EPHA3: variants seen among roughly 807,000 people sequenced by gnomAD.
EPHA3 encodes the protein EPH receptor A3.
A neutral mutation model predicts 107.1 loss-of-function variants in EPHA3; 42 were observed. The observed-to-expected ratio is 0.39, with a 90% CI of 0.31 to 0.51. The LOEUF is 0.51. EPHA3 is among the 20% of genes least tolerant of loss of function. The pLI is 0.78. For synonymous variants in EPHA3, 461 were observed against 424.8 expected, an observed-to-expected ratio of 1.09 and a Z score of -1.05; for missense variants, 1,183 against 1,211.2, an observed-to-expected ratio of 0.98 and a Z score of 0.35.
At chr3:89,441,247 C>G (rs1371438160) in intron 13 of EPHA3, among the ~76,000 whole-genome samples, 1 of 152,174 alleles carries the variant, frequency 6.6e-6, no homozygotes, top group African/African-American at 2.4e-5. Flanking sequence ...GAAGTCAGCA[C>G]TTGGAGGAAC....
At chr3:89,391,000 G>A (rs1196169733) in intron 5 of EPHA3, among the ~76,000 whole-genome samples, 1 of 151,864 alleles carries the variant, frequency 6.6e-6, no homozygotes, top group East Asian at 2.0e-4. Flanking sequence ...TGGCCAGGCT[G>A]GTCTCGAACT....
At chr3:89,236,392 T>A (rs545959682) in intron 3 of EPHA3, among the ~76,000 whole-genome samples, 1 of 151,470 alleles carries the variant, frequency 6.6e-6, no homozygotes, top group South Asian at 2.1e-4. Context: ...ACAATCAAGA[T>A]TAATAACAAA....
At chr3:89,438,333 G>A (rs974775564) in intron 13 of EPHA3, among the ~76,000 whole-genome samples, 4 of 151,810 alleles carry the variant, frequency 2.6e-5, no homozygotes, top group Non-Finnish European at 5.9e-5. Flanking sequence ...GGATGGTCTC[G>A]ATCTCCTGAC....
chr3:89,402,304 A>C (rs1270475792), intron 7 of EPHA3, among the ~76,000 whole-genome samples: 1 of 152,150 alleles, frequency 6.6e-6, no homozygotes, highest in Non-Finnish European at 1.5e-5. Flanking sequence ...CAATGCTTCC[A>C]TTGATTGAGA....
chr3:89,429,306 A>G (rs1576373302), intron 12 of EPHA3, 139 bp downstream of exon 12: 1 of 539,836 alleles, frequency 1.9e-6, no homozygotes, highest in East Asian at 3.0e-5. Context: ...ATAGACAGAG[A>G]AGGGCTGTAA....
At position 89,479,744 on chromosome 3, in the gene EPHA3, A is replaced by C; in HGVS notation, c.*242A>C. ...TTTTTTAAATATTAGTTAATGGATT[A>C]AATTTAATTCTTCAGCGTAAAATGG... is the stretch of plus-strand genomic sequence containing the variant. On this transcript the variant is annotated 3_prime_UTR_variant, in exon 17 of 17. Transcript: ENST00000336596. The C allele has an allele frequency of 2.3e-6, 1 of 433,214 alleles. No individual in the cohort carries two copies. Among genetic ancestry groups the C allele is most frequent in the Non-Finnish European group, 4.1e-6 (1 of 241,308 alleles). The allele number at this position is 433,214 out of a possible 1,614,324, so 26.8% of individuals were successfully genotyped here. A position where few individuals can be genotyped will look rare whatever the true frequency, so the allele number is the denominator to read the frequency against.
chr3:89,126,655 C>CT (rs929460311), intron 1 of EPHA3, among the ~76,000 whole-genome samples: 1 of 151,262 alleles, frequency 6.6e-6, no homozygotes, highest in African/African-American at 2.4e-5. Context: ...GGTAGTTAAG[C>CT]TTTTTGTGTG....
intron 1 of EPHA3, among the ~76,000 whole-genome samples, chr3:89,115,048 G>A (rs998313241): frequency 7.9e-5 from 12 of 152,134 alleles, no homozygotes; most frequent in African/African-American, 2.9e-4. Context: ...GTGACAGCCA[G>A]GGGAAGGAGA....
chr3:89,123,672 C>T (rs1411611713), intron 1 of EPHA3, among the ~76,000 whole-genome samples: 2 of 152,080 alleles, frequency 1.3e-5, no homozygotes, highest in Non-Finnish European at 2.9e-5. Flanking sequence ...AACCTAGAAC[C>T]ATATCCATCT....
chr3:89,176,326 C>T lies in EPHA3; in HGVS notation c.154-33534C>T, dbSNP rs137882086. 6.3e-3 allele frequency among the ~76,000 whole-genome samples: 949 copies of T among 151,546 alleles called. 11 individuals are homozygous for T. Among genetic ancestry groups the T allele is most frequent in the African/African-American group, 0.022 (918 of 41,344 alleles). ...TAGTGAAACCCCGTCTTTACTAAAA[C>T]GTGCAAAAATTAGCTGGGTGCGGTG... On this transcript the variant is annotated intron_variant, in intron 2 of 16. Coordinates refer to ENST00000336596, the MANE Select transcript of EPHA3 (RefSeq NM_005233.6).
At chr3:89,477,244 G>A (rs1297584152) in intron 16 of EPHA3, among the ~76,000 whole-genome samples, 1 of 152,130 alleles carries the variant, frequency 6.6e-6, no homozygotes, top group Non-Finnish European at 1.5e-5. Flanking sequence ...AGCGTGGCAA[G>A]CCTCACATTC....
chr3:89,431,469 CCACAA>C, intron 13 of EPHA3, 110 bp downstream of exon 13: 1 of 787,052 alleles, frequency 1.3e-6, no homozygotes, highest in Non-Finnish European at 2.0e-6. Context: ...ATTATGCTTT[CCACAA>C]TAGAAAACAT....
chr3:89,405,311 C>T (rs1287381500), intron 7 of EPHA3, among the ~76,000 whole-genome samples: 1 of 152,096 alleles, frequency 6.6e-6, no homozygotes. Flanking sequence ...AACCCTTTGC[C>T]AGTACTGTTA....
At chr3:89,308,817 A>G (rs1281999781) in intron 3 of EPHA3, among the ~76,000 whole-genome samples, 1 of 152,098 alleles carries the variant, frequency 6.6e-6, no homozygotes, top group African/African-American at 2.4e-5. Flanking sequence ...TTTTGTAGAT[A>G]ACATTGAATT....
chr3:89,206,868 G>A (rs1487302464), intron 2 of EPHA3, among the ~76,000 whole-genome samples: 4 of 151,856 alleles, frequency 2.6e-5, no homozygotes, highest in Non-Finnish European at 5.9e-5. Flanking sequence ...TTAAACTGAG[G>A]TTAGAATGTA....
At chr3:89,186,494 G>A (rs975323871) in intron 2 of EPHA3, among the ~76,000 whole-genome samples, 1 of 151,942 alleles carries the variant, frequency 6.6e-6, no homozygotes, top group Non-Finnish European at 1.5e-5. Context: ...CCACTGTCAC[G>A]AATTTCACTC....
At chr3:89,423,748 T>G (rs1347440977) in intron 11 of EPHA3, among the ~76,000 whole-genome samples, 1 of 151,524 alleles carries the variant, frequency 6.6e-6, no homozygotes, top group Non-Finnish European at 1.5e-5. Context: ...CACTGTCCAC[T>G]TATGTCCCTT....
At position 89,369,977 on chromosome 3, in the gene EPHA3, G is replaced by A. The variant is rs1466902263; in HGVS notation, c.1307-25860G>A. Among the ~76,000 whole-genome samples the A allele has an allele frequency of 9.3e-5, 14 of 150,614 alleles. 1 individual carries two copies. On this transcript the variant is annotated intron_variant, in intron 5 of 16. Transcript: ENST00000336596. ...ATCAGATACCATCTCACACCAATTA[G>A]AATGGCAATCATTAAAAAGTCAGGA...
intron 3 of EPHA3, among the ~76,000 whole-genome samples, chr3:89,217,342 C>G (rs1222299590): frequency 6.6e-6 from 1 of 151,990 alleles, no homozygotes; most frequent in Non-Finnish European, 1.5e-5. Context: ...ATCCTGTTGG[C>G]AGATGACTCT....
Sources: gnomAD v4.1 joint callset for allele counts (sites outside exome capture counted in the v4.1 genomes callset) on GRCh38, gnomAD v4.1.1 for gene constraint, MANE v1.5 for transcripts, NCBI Gene and HGNC (gene_info 2026-07-23, HGNC 2026-07-21) for gene names.